Variants in VTI1B observed in about 807,000 individuals in gnomAD.
VTI1B encodes the protein vesicle transport through interaction with t-SNAREs homolog 1B.
A neutral mutation model predicts 28.6 loss-of-function variants in VTI1B; 18 were observed. The observed-to-expected ratio is 0.63, with a 90% CI of 0.43 to 0.93. VTI1B has a LOEUF of 0.93. VTI1B is among the 40% of genes least tolerant of loss of function. The pLI, the probability that VTI1B is intolerant of heterozygous loss-of-function variation, is 0.00. For missense variants in VTI1B, 283 were observed against 297.0 expected (o/e 0.95, Z 0.35); for synonymous variants, 100 against 107.9 (o/e 0.93, Z 0.46).
intron 1 of VTI1B, among the ~76,000 whole-genome samples, chr14:67,664,874 T>C (rs1010933375): frequency 1.3e-5 from 2 of 152,160 alleles, no homozygotes; most frequent in Non-Finnish European, 1.5e-5. Context: ...TCTTAAGACC[T>C]GGCTTTTTTT....
chr14:67,663,325 A>T (rs1410681467), intron 1 of VTI1B: 1 of 628,958 alleles, frequency 1.6e-6, no homozygotes, highest in South Asian at 2.3e-5. Context: ...TCATTTTTAA[A>T]TAACATTGTT....
rs2037316230 is a variant in VTI1B at position 67,660,024 on chromosome 14, A to G, written c.175-102T>C. ...ATCAAACTACTTATTTATTTGGACTACACCAAGTAAATAACCATATGCTCC... is the reference window on the plus strand; with the variant it reads ...ATCAAACTACTTATTTATTTGGACTGCACCAAGTAAATAACCATATGCTCC... On this transcript the variant is annotated intron_variant, in intron 2 of 5. Coordinates refer to ENST00000554659, the MANE Select transcript of VTI1B (RefSeq NM_006370.3). 3 of 1,183,850 alleles carry G rather than the reference A, an allele frequency of 2.5e-6. No homozygotes were observed. The South Asian group carries it at 4.8e-5, about 19-fold the overall frequency. 73.3% of individuals were successfully genotyped at this position (1,183,850 alleles called of 1,614,324 possible).
chr14:67,651,966 T>C (rs1224635708), intron 5 of VTI1B, among the ~76,000 whole-genome samples: 1 of 152,232 alleles, frequency 6.6e-6, no homozygotes, highest in Non-Finnish European at 1.5e-5. Context: ...AAAATTTTCC[T>C]ATCTGTTGTT....
At chr14:67,652,288 G>A (rs2037192560) in intron 5 of VTI1B, 1 of 152,478 alleles carries the variant, frequency 6.6e-6, no homozygotes, top group African/African-American at 2.4e-5. Context: ...TTCAAAGAAG[G>A]ACTTATTTAT....
intron 1 of VTI1B, among the ~76,000 whole-genome samples, chr14:67,669,095 G>A (rs915928402): frequency 1.6e-4 from 25 of 152,098 alleles, no homozygotes; most frequent in African/African-American, 5.6e-4. Flanking sequence ...AAAACCCTGT[G>A]AAGTAGATAC....
chr14:67,651,678 A>G (rs994648130), intron 5 of VTI1B, 197 bp from the exon 6 acceptor site: 16 of 455,712 alleles, frequency 3.5e-5, no homozygotes, highest in Admixed American at 7.9e-5. Flanking sequence ...AGAAATGTTA[A>G]ACTGAGACAA....
intron 3 of VTI1B, chr14:67,657,298 C>T: frequency 6.6e-6 from 1 of 152,152 alleles, no homozygotes; most frequent in Non-Finnish European, 1.5e-5. Flanking sequence ...TGTGGTTACC[C>T]TCTTGGTGAG....
Position 67,674,360 on chromosome 14 carries a change from C to A in VTI1B, c.115+15G>T. ...AGGGCTGCGCTCCCCACGGCGTGGCCCACCCCCGCCTCACCGGTCCCCGCC... is the reference window on the plus strand; with the variant it reads ...AGGGCTGCGCTCCCCACGGCGTGGCACACCCCCGCCTCACCGGTCCCCGCC... On this transcript the variant is annotated intron_variant, in intron 1 of 5. Coordinates refer to ENST00000554659, the MANE Select transcript of VTI1B (RefSeq NM_006370.3). 2 of 1,576,552 alleles carry A rather than the reference C, an allele frequency of 1.3e-6. No homozygotes were observed. The highest frequency in any genetic ancestry group is 1.7e-6 in the Non-Finnish European group (2 of 1,163,224).
chr14:67,657,895 C>A (rs1214396769), intron 3 of VTI1B, among the ~76,000 whole-genome samples: 1 of 151,848 alleles, frequency 6.6e-6, no homozygotes, highest in Non-Finnish European at 1.5e-5. Context: ...ATTACAGGCA[C>A]CCGCCACCAC....
Position 67,648,280 on chromosome 14 carries a change from G to T in VTI1B, c.*3105C>A. On this transcript the variant is annotated 3_prime_UTR_variant, in exon 6 of 6. Coordinates refer to ENST00000554659, the MANE Select transcript of VTI1B (RefSeq NM_006370.3). ...ATCTTTTCTGCTATTCCACATCATT[G>T]CAGAGTTTGTTTTTGCTTAAACTTT... 1 of 1,403,754 alleles carries T rather than the reference G, an allele frequency of 7.1e-7. No homozygotes were observed. The highest frequency in any genetic ancestry group is 9.6e-7 in the Non-Finnish European group (1 of 1,044,154). The allele number at this position is 1,403,754 out of a possible 1,614,324, so 87.0% of individuals were successfully genotyped here. A position where few individuals can be genotyped will look rare whatever the true frequency, so the allele number is the denominator to read the frequency against.
intron 3 of VTI1B, among the ~76,000 whole-genome samples, chr14:67,658,513 A>C (rs1182226222): frequency 6.6e-6 from 1 of 152,102 alleles, no homozygotes; most frequent in Non-Finnish European, 1.5e-5. Flanking sequence ...AGGAGAATGG[A>C]GTGAACCCGG....
chr14:67,668,169 G>C (rs1484749165), intron 1 of VTI1B, among the ~76,000 whole-genome samples: 1 of 152,146 alleles, frequency 6.6e-6, no homozygotes, highest in African/African-American at 2.4e-5. Context: ...CATATGGAGA[G>C]ATGTCTTCAG....
chr14:67,650,613 T>C lies in VTI1B; in HGVS notation c.*772A>G. 1 of 1,059,078 alleles carries C rather than the reference T, an allele frequency of 9.4e-7. No individual in the cohort carries two copies. The highest frequency in any genetic ancestry group is 1.4e-6 in the Non-Finnish European group (1 of 692,298). The allele number at this position is 1,059,078 out of a possible 1,614,324, so 65.6% of individuals were successfully genotyped here. A position where few individuals can be genotyped will look rare whatever the true frequency, so the allele number is the denominator to read the frequency against. ...AGGTATTTTCTACTATAAAATGGAC[T>C]CTTGTTTTTACTTTGGCTTGTTCTC... is the stretch of plus-strand genomic sequence containing the variant. On this transcript the variant is annotated 3_prime_UTR_variant, in exon 6 of 6. Coordinates refer to ENST00000554659, the MANE Select transcript of VTI1B (RefSeq NM_006370.3).
At chr14:67,663,849 G>C (rs12890397) in intron 1 of VTI1B, among the ~76,000 whole-genome samples, 2 of 151,964 alleles carry the variant, frequency 1.3e-5, no homozygotes, top group African/African-American at 2.4e-5. Flanking sequence ...TGCCAGGTTC[G>C]GGCCTGCCTC....
At chr14:67,663,270 A>T in intron 1 of VTI1B, 1 of 1,032,020 alleles carries the variant, frequency 9.7e-7, no homozygotes, top group Non-Finnish European at 1.4e-6. Flanking sequence ...GTATTTTCTG[A>T]TAGTTTATAC....
In VTI1B at chr14:67,650,721, T is replaced by C. The variant is rs2037162608; in HGVS notation, c.*664A>G. On this transcript the variant is annotated 3_prime_UTR_variant, in exon 6 of 6. Coordinates refer to ENST00000554659, the MANE Select transcript of VTI1B (RefSeq NM_006370.3). ...TCACACTTTGTTCTTCCAGGGTTGC[T>C]ATCAGCACTGGATCTTGTTGAAGTC... 1.9e-6 allele frequency: 3 copies of C among 1,613,728 alleles called. No individual in the cohort carries two copies. Among genetic ancestry groups the C allele is most frequent in the South Asian group, 1.1e-5 (1 of 91,076 alleles).
At chr14:67,656,913 C>T (rs1255625102) in intron 3 of VTI1B, among the ~76,000 whole-genome samples, 1 of 152,186 alleles carries the variant, frequency 6.6e-6, no homozygotes, top group Non-Finnish European at 1.5e-5. Flanking sequence ...CCTGGACTAT[C>T]AACTTCTGAA....
intron 2 of VTI1B, among the ~76,000 whole-genome samples, chr14:67,660,650 G>A (rs1261869441): frequency 6.6e-6 from 1 of 152,170 alleles, no homozygotes; most frequent in African/African-American, 2.4e-5. Flanking sequence ...GGCCTACCCA[G>A]AGCAGTCTGC....
chr14:67,662,495 T>C lies in VTI1B; in HGVS notation c.156A>G (p.Gln52=). The stretch of plus-strand genomic sequence containing the variant: ...TTCTCACCGTTTCATTTGCTTCCTG[T>C]TGCTTTTCATCAAAATCCCTGATCA... The part of the protein sequence containing the change: ...KKLIRDFDEK[Q]QEANETLAEM... Residue 52 remains glutamine, a synonymous_variant, in exon 2 of 6, where the codon CAA becomes CAG. Transcript: ENST00000554659. The C allele has an allele frequency of 6.2e-7, 1 of 1,612,466 alleles. No homozygotes were observed. The highest frequency in any genetic ancestry group is 8.5e-7 in the Non-Finnish European group (1 of 1,179,600).
Sources: allele counts gnomAD v4.1 joint callset (sites outside exome capture counted in the v4.1 genomes callset), GRCh38; gene constraint gnomAD v4.1.1; transcripts MANE v1.5; gene names NCBI Gene and HGNC (gene_info 2026-07-23, HGNC 2026-07-21).